C16orf87: variants seen among roughly 807,000 people sequenced by gnomAD.
The protein encoded by C16orf87 is UPF0547 protein C16orf87.
C16orf87 carries 13 observed loss-of-function variants against 21.0 expected under a neutral mutation model. The observed-to-expected ratio is 0.62, with a 90% CI of 0.40 to 0.98. C16orf87 has a LOEUF of 0.98. C16orf87 is among the 50% of genes least tolerant of loss of function. C16orf87 has a pLI of 0.00. For synonymous variants in C16orf87, 49 were observed against 60.2 expected, an observed-to-expected ratio of 0.81 and a Z score of 0.86; for missense variants, 113 against 180.4, an observed-to-expected ratio of 0.63 and a Z score of 2.14.
rs372335415 is a variant in C16orf87, at chr16:46,831,156, C to G, written c.-7G>C. The stretch of plus-strand genomic sequence containing the variant: ...TGGCTCGAGTTGCAGACATGCTCCT[C>G]TCCCTTAGCGGCGGCAGCAGCGACG... On this transcript the variant is annotated 5_prime_UTR_variant, in exon 1 of 4. Transcript: ENST00000285697. The G allele has an allele frequency of 1.9e-6, 3 of 1,568,152 alleles. No homozygotes were observed. The highest frequency in any genetic ancestry group is 1.4e-5 in the African/African-American group (1 of 71,650).
At chr16:46,830,307 A>AGAGAGAGG (rs758468161) in intron 1 of C16orf87, among the ~76,000 whole-genome samples, 3 of 109,140 alleles carry the variant, frequency 2.7e-5, no homozygotes, top group Admixed American at 1.0e-4. Context: ...AGAGAGAGAG[A>AGAGAGAGG]GACACACAGA....
chr16:46,824,405 C>A lies in C16orf87; in HGVS notation c.144G>T (p.Glu48Asp), dbSNP rs755954247. ...AGTTACCTGTAGAAGGTGGTGATTT[C>A]TCTGAGTGTTTTGCATTTAAAAGTT... is the stretch of plus-strand genomic sequence containing the variant. ...SRKLLNAKHSEKSPPSTENKH... is the reference protein window; with the variant it reads ...SRKLLNAKHSDKSPPSTENKH... Residue 48 changes from glutamate to aspartate, a missense_variant, in exon 2 of 4, where the codon GAG becomes GAT. Coordinates refer to ENST00000285697, the MANE Select transcript of C16orf87 (RefSeq NM_001001436.4). The A allele has an allele frequency of 7.2e-6, 11 of 1,526,238 alleles. No homozygotes were observed. The highest frequency in any genetic ancestry group is 9.9e-6 in the Non-Finnish European group (11 of 1,108,948). The allele number at this position is 1,526,238 out of a possible 1,614,324, so 94.5% of individuals were successfully genotyped here.
In C16orf87 at chr16:46,802,304, G is replaced by A. The variant is rs991499849; in HGVS notation, c.*648C>T. On this transcript the variant is annotated 3_prime_UTR_variant, in exon 4 of 4. Coordinates refer to ENST00000285697, the MANE Select transcript of C16orf87 (RefSeq NM_001001436.4). ...TTTATATCTGAGTATATCATTAAATGTTTTTCTTCATATAGCACCCAAACT... is the reference window on the plus strand; with the variant it reads ...TTTATATCTGAGTATATCATTAAATATTTTTCTTCATATAGCACCCAAACT... 6.6e-6 allele frequency: 1 copy of A among 151,072 alleles called. No homozygotes were observed. Among genetic ancestry groups the A allele is most frequent in the Admixed American group, 6.6e-5 (1 of 15,156 alleles). 9.4% of individuals were successfully genotyped at this position (151,072 alleles called of 1,614,324 possible). A position where few individuals can be genotyped will look rare whatever the true frequency, so the allele number is the denominator to read the frequency against.
At chr16:46,816,495 G>A (rs760121202) in intron 2 of C16orf87, among the ~76,000 whole-genome samples, 4 of 152,058 alleles carry the variant, frequency 2.6e-5, no homozygotes, top group Admixed American at 1.3e-4. Context: ...AATTTGACAC[G>A]CTTGATGACA....
At chr16:46,813,332 G>A (rs1381900907) in intron 2 of C16orf87, among the ~76,000 whole-genome samples, 1 of 151,786 alleles carries the variant, frequency 6.6e-6, no homozygotes, top group South Asian at 2.1e-4. Context: ...ACTTGTAGTC[G>A]TTTGTGACTC....
chr16:46,808,466 C>T (rs1217688285), intron 3 of C16orf87, among the ~76,000 whole-genome samples: 1 of 152,112 alleles, frequency 6.6e-6, no homozygotes, highest in Non-Finnish European at 1.5e-5. Flanking sequence ...TACATTTATA[C>T]AAAAAGCACT....
At chr16:46,818,501 T>C (rs1018944450) in intron 2 of C16orf87, among the ~76,000 whole-genome samples, 3 of 152,152 alleles carry the variant, frequency 2.0e-5, no homozygotes, top group Non-Finnish European at 2.9e-5. Context: ...TCTAAACCTT[T>C]TACTCACTGA....
rs182816090 is a variant in C16orf87, at chr16:46,803,723, A to T, written c.347-653T>A. ...TCAAATCATTTTTATAAAACTTGTT[A>T]AAAAAAAAAAACAGAAGTCCTTTGC... On this transcript the variant is annotated intron_variant, in intron 3 of 3. Coordinates refer to ENST00000285697, the MANE Select transcript of C16orf87 (RefSeq NM_001001436.4). 5.2e-3 allele frequency among the ~76,000 whole-genome samples: 743 copies of T among 143,716 alleles called. 4 individuals carry two copies. The highest frequency in any genetic ancestry group is 0.018 in the African/African-American group (698 of 39,284). The allele number at this position is 143,716 out of a possible 152,430, so 94.3% of individuals were successfully genotyped here. A position where few individuals can be genotyped will look rare whatever the true frequency, so the allele number is the denominator to read the frequency against.
rs1415577611 is a variant in C16orf87 at position 46,800,918 on chromosome 16, T to C, written c.*2034A>G. 1 of 152,208 alleles carries C rather than the reference T, an allele frequency of 6.6e-6. No homozygotes were observed. The highest frequency in any genetic ancestry group is 1.5e-5 in the Non-Finnish European group (1 of 68,034). 9.4% of individuals were successfully genotyped at this position (152,208 alleles called of 1,614,324 possible). On this transcript the variant is annotated 3_prime_UTR_variant, in exon 4 of 4. Coordinates refer to ENST00000285697, the MANE Select transcript of C16orf87 (RefSeq NM_001001436.4). Reference sequence around the variant, plus strand: ...GAGATCTGAAGTAATTACTTTTCTATACGGCAAGCTCCAGCCCAGCCACCA... The same window carrying C: ...GAGATCTGAAGTAATTACTTTTCTACACGGCAAGCTCCAGCCCAGCCACCA...
intron 2 of C16orf87, among the ~76,000 whole-genome samples, chr16:46,813,712 C>T (rs1468403355): frequency 6.6e-6 from 1 of 152,120 alleles, no homozygotes; most frequent in Non-Finnish European, 1.5e-5. Flanking sequence ...TATGTATACG[C>T]TAATCCTTCT....
rs1295704590 is a variant in C16orf87 at position 46,798,949 on chromosome 16, A to C, written c.*4003T>G. ...TTTTTCAAGCCCACAACAACAACAA[A>C]GTTATTTAATGCTTAATGACTGAAT... On this transcript the variant is annotated 3_prime_UTR_variant, in exon 4 of 4. Coordinates refer to ENST00000285697, the MANE Select transcript of C16orf87 (RefSeq NM_001001436.4). The C allele has an allele frequency of 2.0e-5, 3 of 152,200 alleles. No homozygotes were observed. The highest frequency in any genetic ancestry group is 7.2e-5 in the African/African-American group (3 of 41,454). The allele number at this position is 152,200 out of a possible 1,614,324, so 9.4% of individuals were successfully genotyped here.
At chr16:46,822,312 T>C (rs911683499) in intron 2 of C16orf87, among the ~76,000 whole-genome samples, 1 of 152,192 alleles carries the variant, frequency 6.6e-6, no homozygotes, top group Non-Finnish European at 1.5e-5. Flanking sequence ...ATTAAAAAAA[T>C]AAGCACTTTG....
At position 46,796,701 on chromosome 16, in the gene C16orf87, GATTT is replaced by G. The variant is rs144436509; in HGVS notation, c.*6247_*6250del. 4.6e-5 allele frequency: 7 copies of G among 152,276 alleles called. No individual in the cohort carries two copies. The highest frequency in any genetic ancestry group is 8.8e-5 in the Non-Finnish European group (6 of 68,020). 9.4% of individuals were successfully genotyped at this position (152,276 alleles called of 1,614,324 possible). A position where few individuals can be genotyped will look rare whatever the true frequency, so the allele number is the denominator to read the frequency against. On this transcript the variant is annotated 3_prime_UTR_variant, in exon 4 of 4. Transcript: ENST00000285697. The stretch of plus-strand genomic sequence containing the variant: ...AATATATGATTTTGTTAACTGAAAT[GATTT>G]ATTAAAATAAAATAAATGAACAGAG...
At chr16:46,807,976 A>G (rs1441678542) in intron 3 of C16orf87, 1 of 453,938 alleles carries the variant, frequency 2.2e-6, no homozygotes, top group Non-Finnish European at 4.4e-6. Flanking sequence ...CACCACCAGA[A>G]GCATTCTCTT....
At position 46,811,582 on chromosome 16, in the gene C16orf87, C is replaced by T. The variant is rs141220561; in HGVS notation, c.164-1797G>A. Among the ~76,000 whole-genome samples, 1,202 of 142,966 alleles carry T rather than the reference C, an allele frequency of 8.4e-3. 24 individuals are homozygous for T. The highest frequency in any genetic ancestry group is 0.031 in the African/African-American group (1,125 of 36,670). The allele number at this position is 142,966 out of a possible 152,430, so 93.8% of individuals were successfully genotyped here. A position where few individuals can be genotyped will look rare whatever the true frequency, so the allele number is the denominator to read the frequency against. The stretch of plus-strand genomic sequence containing the variant: ...TACACATCACTACCTATTAAGTAGT[C>T]TTGTAAAAAAAAAAAAATTCCAATC... On this transcript the variant is annotated intron_variant, in intron 2 of 3. Coordinates refer to ENST00000285697, the MANE Select transcript of C16orf87 (RefSeq NM_001001436.4).
At chr16:46,809,018 A>G (rs1033358072) in intron 3 of C16orf87, among the ~76,000 whole-genome samples, 21 of 146,630 alleles carry the variant, frequency 1.4e-4, no homozygotes, top group African/African-American at 5.3e-4. Flanking sequence ...TCTTTAAAAG[A>G]CAAAAAAAAA....
chr16:46,810,362 A>G (rs1180316883), intron 2 of C16orf87, among the ~76,000 whole-genome samples: 1 of 152,234 alleles, frequency 6.6e-6, no homozygotes, highest in Non-Finnish European at 1.5e-5. Context: ...CATAAATGGA[A>G]TAGCAATAGG....
intron 3 of C16orf87, among the ~76,000 whole-genome samples, chr16:46,806,820 T>TG (rs1967945116): frequency 6.6e-6 from 1 of 152,232 alleles, no homozygotes; most frequent in African/African-American, 2.4e-5. Flanking sequence ...TTTCCCCCTT[T>TG]GGATCTCTCA....
chr16:46,800,612 T>C lies in C16orf87; in HGVS notation c.*2340A>G, dbSNP rs992014671. The stretch of plus-strand genomic sequence containing the variant: ...GTATTTTGAATAATCATATCATTTA[T>C]AGATATCAGAGCAGAACAAATTTTG... On this transcript the variant is annotated 3_prime_UTR_variant, in exon 4 of 4. Coordinates refer to ENST00000285697, the MANE Select transcript of C16orf87 (RefSeq NM_001001436.4). The C allele has an allele frequency of 1.3e-5, 2 of 152,232 alleles. No homozygotes were observed. Among genetic ancestry groups the C allele is most frequent in the African/African-American group, 4.8e-5 (2 of 41,456 alleles). 9.4% of individuals were successfully genotyped at this position (152,232 alleles called of 1,614,324 possible).
Sources: allele counts gnomAD v4.1 joint callset (sites outside exome capture counted in the v4.1 genomes callset), GRCh38; gene constraint gnomAD v4.1.1; transcripts MANE v1.5; gene names NCBI Gene and HGNC (gene_info 2026-07-23, HGNC 2026-07-21).